PRKAR1A: variants seen among roughly 807,000 people sequenced by gnomAD.
PRKAR1A encodes the protein protein kinase cAMP-dependent type I regulatory subunit alpha.
Under a neutral mutation model 52.0 loss-of-function variants are expected in PRKAR1A, and 3 were observed. That is an observed-to-expected ratio of 0.06 (90% CI 0.03 to 0.15). The LOEUF (loss-of-function observed/expected upper bound fraction) is 0.15. PRKAR1A is among the 10% of genes least tolerant of loss of function. The pLI, the probability that PRKAR1A is intolerant of heterozygous loss-of-function variation, is 1.00. For synonymous variants in PRKAR1A, 188 were observed against 168.4 expected (o/e 1.12, Z -0.90); for missense variants, 240 against 477.4 (o/e 0.50, Z 4.63).
the PRKAR1A span, among the ~76,000 whole-genome samples, chr17:68,492,066 G>A: frequency 6.6e-6 from 1 of 152,250 alleles, no homozygotes; most frequent in Non-Finnish European, 1.5e-5. Flanking sequence ...GGAAGCCTGT[G>A]TCTTTTCTGC....
At chr17:68,420,970 A>G in the PRKAR1A span, 1 of 157,234 alleles carries the variant, frequency 6.4e-6, no homozygotes, top group African/African-American at 2.4e-5. Flanking sequence ...CAGTGTACTC[A>G]CTGGTCTCCA....
chr17:68,505,024 G>A, the PRKAR1A span, among the ~76,000 whole-genome samples: 32 of 152,180 alleles, frequency 2.1e-4, no homozygotes, highest in Non-Finnish European at 4.0e-4. Flanking sequence ...TTGGACAGGC[G>A]TGGTGGCTCA....
At chr17:68,472,502 A>T in the PRKAR1A span, among the ~76,000 whole-genome samples, 2 of 152,364 alleles carry the variant, frequency 1.3e-5, no homozygotes, top group South Asian at 4.1e-4. Flanking sequence ...TGTCCAAAAA[A>T]CAGGAGAAAC....
chr17:68,536,587 G>C, downstream of PRKAR1A: 1 of 453,660 alleles, frequency 2.2e-6, no homozygotes. Flanking sequence ...TCTTCTTTTG[G>C]GGATGGGCCG....
At chr17:68,523,301 C>T (rs573389716) in intron 3 of PRKAR1A, among the ~76,000 whole-genome samples, 2 of 152,192 alleles carry the variant, frequency 1.3e-5, no homozygotes, top group Non-Finnish European at 2.9e-5. Context: ...TCCTCTTCCT[C>T]AGAGCCAGGC....
chr17:68,428,416 AT>A, the PRKAR1A span: 2 of 175,194 alleles, frequency 1.1e-5, no homozygotes, highest in African/African-American at 2.4e-5. Flanking sequence ...TGTTTTTGGT[AT>A]AGATGGGGTT....
At chr17:68,539,340 C>T in intron 11 of PRKAR1A, 4 of 1,614,174 alleles carry the variant, frequency 2.5e-6, no homozygotes, top group Non-Finnish European at 3.4e-6. Flanking sequence ...AACTTACATG[C>T]AGCACTGGGA....
At chr17:68,528,777 A>T in intron 8 of PRKAR1A, 93 bp from the exon 9 acceptor site, 1 of 1,501,212 alleles carries the variant, frequency 6.7e-7, no homozygotes, top group Non-Finnish European at 9.3e-7. Flanking sequence ...TTGAATGGGC[A>T]TGGCTATTTG....
the PRKAR1A span, among the ~76,000 whole-genome samples, chr17:68,442,680 T>A: frequency 6.6e-6 from 1 of 152,080 alleles, no homozygotes; most frequent in South Asian, 2.1e-4. Flanking sequence ...AAGGCCCAGC[T>A]CAGGCCCTGC....
the PRKAR1A span, among the ~76,000 whole-genome samples, chr17:68,470,700 C>CA: frequency 3.9e-5 from 6 of 152,134 alleles, no homozygotes; most frequent in South Asian, 2.1e-4. Context: ...CACATACAAA[C>CA]AAAAAAACAA....
chr17:68,426,143 C>T, the PRKAR1A span: 1 of 1,612,184 alleles, frequency 6.2e-7, no homozygotes, highest in East Asian at 2.2e-5. Context: ...GGAATAACTT[C>T]TCCTCGCAGC....
the PRKAR1A span, among the ~76,000 whole-genome samples, chr17:68,472,433 A>C: frequency 6.6e-6 from 1 of 152,266 alleles, no homozygotes; most frequent in South Asian, 2.1e-4. Context: ...CCAAGTTTCC[A>C]ATCAGGGCCA....
chr17:68,523,841 C>CT lies in PRKAR1A; in HGVS notation c.440+26dup, dbSNP rs759820186. On this transcript the variant is annotated intron_variant, in intron 4 of 10. Transcript: ENST00000589228. ...GGTAGGAACAGGCTCTTTCTTAACACTATTTTTCAAGTAAGGGTGTGATCC... is the reference window on the plus strand; with the variant it reads ...GGTAGGAACAGGCTCTTTCTTAACACTTATTTTTCAAGTAAGGGTGTGATCC... 32 of 1,607,204 alleles carry CT rather than the reference C, an allele frequency of 2.0e-5. No individual in the cohort carries two copies. In the Admixed American group the frequency reaches 2.0e-4, roughly 10 times the overall value.
intron 11 of PRKAR1A, chr17:68,540,803 CAT>C: frequency 6.4e-7 from 1 of 1,559,852 alleles, no homozygotes. Context: ...ACCCTAGCCA[CAT>C]AGCAGAGCCC....
At chr17:68,439,941 C>T in the PRKAR1A span, among the ~76,000 whole-genome samples, 362 of 152,300 alleles carry the variant, frequency 2.4e-3, 8 homozygotes, top group East Asian at 0.064. Flanking sequence ...AAGCCTTGGA[C>T]GCATACCTCC....
intron 11 of PRKAR1A, chr17:68,541,847 C>T (rs2086311093): frequency 9.3e-7 from 1 of 1,071,318 alleles, no homozygotes; most frequent in African/African-American, 1.6e-5. Flanking sequence ...CCTGCTGATC[C>T]CAGGATCAAT....
chr17:68,444,165 A>C, the PRKAR1A span, among the ~76,000 whole-genome samples: 4 of 152,218 alleles, frequency 2.6e-5, no homozygotes, highest in Non-Finnish European at 5.9e-5. Context: ...CACAAAAAAC[A>C]ATTAGGGGTA....
intron 6 of PRKAR1A, 128 bp from the exon 7 acceptor site, chr17:68,525,626 A>C (rs1203597755): frequency 9.6e-7 from 1 of 1,041,088 alleles, no homozygotes; most frequent in African/African-American, 1.6e-5. Flanking sequence ...TGTGTACTGC[A>C]AACATAATAT....
At chr17:68,536,439 G>GAAGGT (rs2086098197), downstream of PRKAR1A, 1 of 454,042 alleles carries the variant, frequency 2.2e-6, no homozygotes, top group African/African-American at 2.0e-5. Flanking sequence ...AAGTCAGGGA[G>GAAGGT]AAGGTAGAGG....
Sources: allele counts gnomAD v4.1 joint callset (sites outside exome capture counted in the v4.1 genomes callset), GRCh38; gene constraint gnomAD v4.1.1; transcripts MANE v1.5; gene names NCBI Gene and HGNC (gene_info 2026-07-23, HGNC 2026-07-21).